TAFA1: variants seen among roughly 807,000 people sequenced by gnomAD.
TAFA1 encodes the protein chemokine-like protein TAFA-1.
In TAFA1, 4 loss-of-function variants were observed where a neutral mutation model predicts 18.5. That is an observed-to-expected ratio of 0.22 (90% CI 0.11 to 0.49). TAFA1 has a LOEUF of 0.49. Ranked by LOEUF, TAFA1 falls within the 20% of genes least tolerant of loss-of-function variation. The probability of loss-of-function intolerance (pLI) is 0.98; values close to 1 mark genes in which losing one functional copy is unlikely to be tolerated. For synonymous variants in TAFA1, 56 were observed against 55.2 expected, an observed-to-expected ratio of 1.01 and a Z score of -0.06; for missense variants, 147 against 169.0, an observed-to-expected ratio of 0.87 and a Z score of 0.72.
chr3:68,173,677 C>T (rs1264251020), intron 2 of TAFA1, among the ~76,000 whole-genome samples: 1 of 152,088 alleles, frequency 6.6e-6, no homozygotes, highest in African/African-American at 2.4e-5. Flanking sequence ...TCTCATATTG[C>T]TTATTGTCTT....
chr3:68,371,776 A>G (rs1465917479), intron 2 of TAFA1, among the ~76,000 whole-genome samples: 4 of 152,188 alleles, frequency 2.6e-5, no homozygotes, highest in African/African-American at 9.7e-5. Context: ...AAAAATAAAC[A>G]AAAGTGGCCA....
intron 2 of TAFA1, among the ~76,000 whole-genome samples, chr3:68,316,412 C>T (rs2068606013): frequency 6.6e-6 from 1 of 152,120 alleles, no homozygotes; most frequent in South Asian, 2.1e-4. Flanking sequence ...TTAACCAATA[C>T]AGTTTCATGT....
chr3:68,364,580 A>G (rs2069530922), intron 2 of TAFA1, among the ~76,000 whole-genome samples: 1 of 152,248 alleles, frequency 6.6e-6, no homozygotes, highest in Admixed American at 6.5e-5. Flanking sequence ...TTATAAACTT[A>G]CAGACATCTA....
Position 68,078,772 on chromosome 3 carries a change from C to CT in TAFA1, c.118+72035dup, listed in dbSNP as rs147029515. On this transcript the variant is annotated intron_variant, in intron 2 of 4. Transcript: ENST00000478136. Reference sequence around the variant, plus strand: ...ATCAAGGACATTGGTCTAAAATTCTCTTTTTTTGTTGTGTCTCTGCCTGGC... The same window carrying CT: ...ATCAAGGACATTGGTCTAAAATTCTCTTTTTTTTGTTGTGTCTCTGCCTGGC... Among the ~76,000 whole-genome samples, 62 of 152,220 alleles carry CT rather than the reference C, an allele frequency of 4.1e-4. No individual in the cohort carries two copies. The Middle Eastern group carries it at 0.01, about 25-fold the overall frequency.
At chr3:68,336,998 C>T (rs2068980571) in intron 2 of TAFA1, among the ~76,000 whole-genome samples, 1 of 152,196 alleles carries the variant, frequency 6.6e-6, no homozygotes, top group Non-Finnish European at 1.5e-5. Flanking sequence ...GCTGGGATTA[C>T]AGGCGTGAGC....
At chr3:68,014,133 C>T (rs1704525918) in intron 2 of TAFA1, among the ~76,000 whole-genome samples, 1 of 152,180 alleles carries the variant, frequency 6.6e-6, no homozygotes, top group African/African-American at 2.4e-5. Context: ...TTATTTTCCA[C>T]TTTTGTGGAT....
intron 2 of TAFA1, among the ~76,000 whole-genome samples, chr3:68,040,417 G>T (rs1296883376): frequency 6.6e-6 from 1 of 152,044 alleles, no homozygotes; most frequent in South Asian, 2.1e-4. Context: ...CTATAGGTGG[G>T]GTTCAACTGA....
intron 2 of TAFA1, among the ~76,000 whole-genome samples, chr3:68,277,948 T>C (rs1428456980): frequency 6.6e-6 from 1 of 152,178 alleles, no homozygotes; most frequent in Non-Finnish European, 1.5e-5. Context: ...ATTACAAAAC[T>C]GTCCCATCGT....
intron 3 of TAFA1, among the ~76,000 whole-genome samples, chr3:68,520,032 A>G (rs1229724819): frequency 6.6e-6 from 1 of 152,220 alleles, no homozygotes; most frequent in Non-Finnish European, 1.5e-5. Flanking sequence ...CGTATGACCA[A>G]CAAAATCCTA....
intron 3 of TAFA1, among the ~76,000 whole-genome samples, chr3:68,482,042 G>A (rs190015710): frequency 2.5e-4 from 38 of 152,198 alleles, no homozygotes; most frequent in Middle Eastern, 3.4e-3. Flanking sequence ...ACGGAGTCTC[G>A]CTCTGTCGCC....
At chr3:68,120,189 CTTTCT>C (rs1559527542) in intron 2 of TAFA1, among the ~76,000 whole-genome samples, 2 of 37,546 alleles carry the variant, frequency 5.3e-5, no homozygotes, top group East Asian at 1.1e-3. Flanking sequence ...TTCTTTCTTT[CTTTCT>C]TTCTTTCTTT....
intron 3 of TAFA1, among the ~76,000 whole-genome samples, chr3:68,479,241 A>AAAAAAAAAAATATAT (rs1353493315): frequency 8.1e-6 from 1 of 123,676 alleles, no homozygotes; most frequent in African/African-American, 3.6e-5. Flanking sequence ...AAAAAAAAAA[A>AAAAAAAAAAATATAT]ATATATATAT....
chr3:68,060,469 C>T (rs1286087474), intron 2 of TAFA1, among the ~76,000 whole-genome samples: 2 of 152,166 alleles, frequency 1.3e-5, no homozygotes, highest in Non-Finnish European at 2.9e-5. Flanking sequence ...TAGGCCATAA[C>T]ACTTTACCTT....
chr3:68,496,326 A>G lies in TAFA1; in HGVS notation c.260-42430A>G, dbSNP rs183326459. ...GCTGTCCTGAGTGCTTCCTTGACCA[A>G]TAAAATGTTAGAGAAGTCTGAACTT... On this transcript the variant is annotated intron_variant, in intron 3 of 4. Coordinates refer to ENST00000478136, the MANE Select transcript of TAFA1 (RefSeq NM_213609.4). 2.6e-5 allele frequency among the ~76,000 whole-genome samples: 4 copies of G among 152,282 alleles called. No individual in the cohort carries two copies. In the East Asian group the frequency reaches 7.7e-4, roughly 29 times the overall value.
chr3:68,493,358 A>G lies in TAFA1; in HGVS notation c.260-45398A>G, dbSNP rs535666608. On this transcript the variant is annotated intron_variant, in intron 3 of 4. Transcript: ENST00000478136. ...AGCTAAATAATATTTTATTGTATAT[A>G]TACACTACATTTTGTTTTTCTATTC... is the stretch of plus-strand genomic sequence containing the variant. 5.3e-5 allele frequency among the ~76,000 whole-genome samples: 8 copies of G among 152,288 alleles called. No homozygotes were observed. The South Asian group carries it at 1.2e-3, about 24-fold the overall frequency.
At chr3:68,288,231 A>G (rs549467259) in intron 2 of TAFA1, among the ~76,000 whole-genome samples, 92 of 152,328 alleles carry the variant, frequency 6.0e-4, no homozygotes, top group African/African-American at 2.1e-3. Flanking sequence ...CTCACTCCGC[A>G]GTGCAAAACA....
rs190579414 is a variant in TAFA1, at chr3:68,286,903, C to G, written c.119-130377C>G. Among the ~76,000 whole-genome samples the G allele has an allele frequency of 2.4e-3, 363 of 152,326 alleles. 3 individuals carry two copies. The highest frequency in any genetic ancestry group is 8.4e-3 in the African/African-American group (349 of 41,596). On this transcript the variant is annotated intron_variant, in intron 2 of 4. Coordinates refer to ENST00000478136, the MANE Select transcript of TAFA1 (RefSeq NM_213609.4). ...CACCTCAACAGGACAGCCAGGCCCC[C>G]TGACATCAAGCTGTTAACAGGGCCA...
At chr3:68,377,630 T>C (rs2069844057) in intron 2 of TAFA1, among the ~76,000 whole-genome samples, 1 of 152,186 alleles carries the variant, frequency 6.6e-6, no homozygotes, top group African/African-American at 2.4e-5. Context: ...AACGAGGATT[T>C]AATTGTTAAT....
intron 2 of TAFA1, among the ~76,000 whole-genome samples, chr3:68,120,042 C>T (rs938177097): frequency 4.6e-5 from 7 of 152,242 alleles, no homozygotes; most frequent in African/African-American, 1.7e-4. Flanking sequence ...CCTTAAAAGT[C>T]AGAGCAGGGT....
Sources: gnomAD v4.1 joint callset for allele counts (sites outside exome capture counted in the v4.1 genomes callset) on GRCh38, gnomAD v4.1.1 for gene constraint, MANE v1.5 for transcripts, NCBI Gene and HGNC (gene_info 2026-07-23, HGNC 2026-07-21) for gene names.